The following ZMYM2 variants were observed in gnomAD, a reference collection of about 807,000 sequenced individuals.
ZMYM2 encodes zinc finger MYM-type containing 2, also known as zinc finger MYM-type protein 2.
Under a neutral mutation model 162.8 loss-of-function variants are expected in ZMYM2, and 56 were observed. That is an observed-to-expected ratio of 0.34 (90% CI 0.28 to 0.43). The LOEUF (loss-of-function observed/expected upper bound fraction) is 0.43, where lower values mean the gene tolerates loss of function less well. Among genes scored for constraint, ZMYM2 ranks in the 20% least tolerant of loss-of-function variants. The pLI, the probability that ZMYM2 is intolerant of heterozygous loss-of-function variation, is 1.00. For synonymous variants in ZMYM2, 510 were observed against 541.6 expected, an observed-to-expected ratio of 0.94 and a Z score of 0.81; for missense variants, 1,275 against 1,621.8, an observed-to-expected ratio of 0.79 and a Z score of 3.67.
chr13:19,928,935 A>G, the ZMYM2 span, among the ~76,000 whole-genome samples: 1 of 152,150 alleles, frequency 6.6e-6, no homozygotes, highest in Non-Finnish European at 1.5e-5. Flanking sequence ...GTGAGCCAGC[A>G]GGCCTAGCCT....
At chr13:20,009,827 G>A (rs1566286132) in intron 6 of ZMYM2, among the ~76,000 whole-genome samples, 1 of 152,160 alleles carries the variant, frequency 6.6e-6, no homozygotes, top group South Asian at 2.1e-4. Context: ...TATGATAGAT[G>A]TTGCTTTGTT....
At chr13:20,001,373 C>T (rs940876788) in intron 3 of ZMYM2, among the ~76,000 whole-genome samples, 1 of 136,672 alleles carries the variant, frequency 7.3e-6, no homozygotes, top group Non-Finnish European at 1.5e-5. Flanking sequence ...GCCTGGGCTA[C>T]AGAGAGAGAC....
intron 24 of ZMYM2, 123 bp downstream of exon 24, chr13:20,083,899 T>C (rs1958068834): frequency 6.2e-6 from 6 of 966,502 alleles, no homozygotes; most frequent in East Asian, 2.6e-5. Flanking sequence ...CTCTCAGTTA[T>C]ACCCAAGTTC....
At position 20,074,051 on chromosome 13, in the gene ZMYM2, T is replaced by C. The variant is rs141946886; in HGVS notation, c.3453+6661T>C. On this transcript the variant is annotated intron_variant, in intron 21 of 24. Transcript: ENST00000610343. ...CTCTACTGAGCCCTGTAAGCCACTT[T>C]TCTACTTTCTATCTCTATGATTTTG... 4.8e-4 allele frequency among the ~76,000 whole-genome samples: 73 copies of C among 152,276 alleles called. 1 individual carries two copies. In the East Asian group the frequency reaches 0.014, roughly 28 times the overall value.
the ZMYM2 span, among the ~76,000 whole-genome samples, chr13:19,866,763 G>A: frequency 8.3e-4 from 126 of 152,180 alleles, 1 homozygote; most frequent in Admixed American, 2.0e-3. Flanking sequence ...CAGAAGTGGT[G>A]CATGCCTGTA....
the ZMYM2 span, among the ~76,000 whole-genome samples, chr13:19,937,420 G>C: frequency 6.7e-6 from 1 of 150,184 alleles, no homozygotes; most frequent in Non-Finnish European, 1.5e-5. Flanking sequence ...TTACAGGCAT[G>C]AGCCACTGCG....
At chr13:19,977,288 T>G (rs1452905943) in intron 2 of ZMYM2, among the ~76,000 whole-genome samples, 1 of 152,132 alleles carries the variant, frequency 6.6e-6, no homozygotes, top group Admixed American at 6.6e-5. Flanking sequence ...CCCAAAGTGT[T>G]GGGATTACAG....
chr13:20,019,092 A>C (rs1951856128), intron 6 of ZMYM2, among the ~76,000 whole-genome samples: 1 of 10,750 alleles, frequency 9.3e-5, no homozygotes, highest in Non-Finnish European at 1.3e-3. Flanking sequence ...AAAAAAAAAA[A>C]ACAACAACAA....
chr13:19,953,333 A>T, the ZMYM2 span, among the ~76,000 whole-genome samples: 10 of 152,334 alleles, frequency 6.6e-5, no homozygotes, highest in South Asian at 1.0e-3. Flanking sequence ...GTTGATAGGA[A>T]AGAATAAGTA....
the ZMYM2 span, among the ~76,000 whole-genome samples, chr13:19,924,295 T>C: frequency 6.6e-6 from 1 of 152,272 alleles, no homozygotes; most frequent in African/African-American, 2.4e-5. Flanking sequence ...CCAGGCACGG[T>C]GGCTCACGCC....
the ZMYM2 span, among the ~76,000 whole-genome samples, chr13:19,865,317 C>A: frequency 6.6e-6 from 1 of 152,212 alleles, no homozygotes; most frequent in African/African-American, 2.4e-5. Flanking sequence ...CAAAGCCGTC[C>A]TGGGCCGCAT....
chr13:19,986,689 A>G (rs1949172271), intron 2 of ZMYM2, among the ~76,000 whole-genome samples: 1 of 152,196 alleles, frequency 6.6e-6, no homozygotes, highest in Non-Finnish European at 1.5e-5. Flanking sequence ...TTTAAATACA[A>G]GTACTGTCAT....
the ZMYM2 span, among the ~76,000 whole-genome samples, chr13:19,950,972 C>T: frequency 6.6e-6 from 1 of 152,180 alleles, no homozygotes; most frequent in African/African-American, 2.4e-5. Context: ...GCATGTGGTC[C>T]AACACAAATT....
chr13:20,010,423 G>T (rs1468673208), intron 6 of ZMYM2, among the ~76,000 whole-genome samples: 1 of 151,942 alleles, frequency 6.6e-6, no homozygotes, highest in African/African-American at 2.4e-5. Flanking sequence ...GCCTGGTCTC[G>T]AACTCCTAAG....
At chr13:20,080,622 T>TGGA (rs1228652788) in intron 21 of ZMYM2, among the ~76,000 whole-genome samples, 1 of 152,122 alleles carries the variant, frequency 6.6e-6, no homozygotes, top group Non-Finnish European at 1.5e-5. Context: ...GTCAAGTCGC[T>TGGA]GGAGCTACAG....
the ZMYM2 span, among the ~76,000 whole-genome samples, chr13:19,868,997 C>T: frequency 4.6e-5 from 7 of 152,276 alleles, no homozygotes; most frequent in African/African-American, 1.7e-4. Context: ...GTGATCCACC[C>T]TCCTCAGCCT....
chr13:20,058,681 T>C lies in ZMYM2; in HGVS notation c.2600T>C (p.Met867Thr). 1 of 1,613,732 alleles carries C rather than the reference T, an allele frequency of 6.2e-7. No individual in the cohort carries two copies. The highest frequency in any genetic ancestry group is 8.5e-7 in the Non-Finnish European group (1 of 1,179,752). Residue 867 changes from methionine (M) to threonine (T), a missense_variant, in exon 15 of 25, where the codon ATG (methionine) becomes ACG (threonine). Physicochemically the swap from Met to Thr is moderately conservative, Grantham distance 81 (BLOSUM62 -1). Coordinates refer to ENST00000610343, the MANE Select transcript of ZMYM2 (RefSeq NM_197968.4). ...MTKATYCKPH[M>T]QTKSCQTDDT... ...AAAGCTACTTACTGTAAACCTCACATGCAGACCAAATCTTGTCAGACAGGT... is the reference window on the plus strand; with the variant it reads ...AAAGCTACTTACTGTAAACCTCACACGCAGACCAAATCTTGTCAGACAGGT...
chr13:20,059,027 T>C (rs377166737), intron 15 of ZMYM2: 11 of 426,912 alleles, frequency 2.6e-5, no homozygotes, highest in African/African-American at 1.0e-4. Context: ...ATGTGGTTTG[T>C]AATGGTAACA....
chr13:20,071,781 C>T, intron 21 of ZMYM2: 1 of 178,364 alleles, frequency 5.6e-6, no homozygotes, highest in Non-Finnish European at 1.2e-5. Flanking sequence ...CTTGATTCAC[C>T]ATGAATGACT....
Sources: gnomAD v4.1 joint callset for allele counts (sites outside exome capture counted in the v4.1 genomes callset) on GRCh38, gnomAD v4.1.1 for gene constraint, MANE v1.5 for transcripts, NCBI Gene and HGNC (gene_info 2026-07-23, HGNC 2026-07-21) for gene names.